Variants in FARS2 observed in about 807,000 individuals in gnomAD.
FARS2 encodes the protein phenylalanyl-tRNA synthetase 2, mitochondrial, also known as phenylalanine--tRNA ligase, mitochondrial.
FARS2 carries 40 observed loss-of-function variants against 46.4 expected under a neutral mutation model. The ratio of observed to expected loss-of-function variants is 0.86; its 90% CI spans 0.67 to 1.12. The LOEUF is 1.12. Ranked by LOEUF, FARS2 falls within the 50% of genes most tolerant of loss-of-function variation. The pLI, the probability that FARS2 is intolerant of heterozygous loss-of-function variation, is 0.00. For synonymous variants in FARS2, 234 were observed against 214.9 expected, an observed-to-expected ratio of 1.09 and a Z score of -0.78; for missense variants, 513 against 567.9, an observed-to-expected ratio of 0.90 and a Z score of 0.98.
chr6:5,527,302 T>G (rs1323906134), intron 4 of FARS2, among the ~76,000 whole-genome samples: 1 of 152,238 alleles, frequency 6.6e-6, no homozygotes, highest in Non-Finnish European at 1.5e-5. Context: ...GCATATCTCC[T>G]ACAGTCATAG....
intron 1 of FARS2, among the ~76,000 whole-genome samples, chr6:5,266,150 G>A (rs918853476): frequency 2.6e-5 from 4 of 152,150 alleles, no homozygotes; most frequent in Admixed American, 2.6e-4. Context: ...TACCTTGAAA[G>A]GATGAAGGAG....
chr6:5,660,263 C>T (rs1777789407), intron 6 of FARS2, among the ~76,000 whole-genome samples: 1 of 152,138 alleles, frequency 6.6e-6, no homozygotes, highest in South Asian at 2.1e-4. Context: ...ATAGTCTAGA[C>T]TAGAGGGGAA....
At chr6:5,424,358 C>T (rs983262054) in intron 3 of FARS2, among the ~76,000 whole-genome samples, 1 of 152,210 alleles carries the variant, frequency 6.6e-6, no homozygotes, top group Non-Finnish European at 1.5e-5. Context: ...CACAGCATTG[C>T]TTTCAGTAGC....
Position 5,471,956 on chromosome 6 carries a change from A to G in FARS2, c.904+40784A>G, listed in dbSNP as rs980413461. Among the ~76,000 whole-genome samples the G allele has an allele frequency of 6.6e-6, 1 of 152,180 alleles. No homozygotes were observed. Among genetic ancestry groups the G allele is most frequent in the African/African-American group, 2.4e-5 (1 of 41,442 alleles). ...AGGAGCCTGCCTGAAAATGAATGAG[A>G]AACAAGTGGAATTCAGAATAGTCCC... On this transcript the variant is annotated intron_variant, in intron 4 of 6. Coordinates refer to ENST00000274680, the MANE Select transcript of FARS2 (RefSeq NM_006567.5). This position sits in a 1 kb window ranked among gnomAD's most constrained non-coding sequence, Gnocchi z 4.1.
intron 4 of FARS2, among the ~76,000 whole-genome samples, chr6:5,497,155 A>G (rs1767519228): frequency 6.6e-6 from 1 of 152,228 alleles, no homozygotes; most frequent in African/African-American, 2.4e-5. Context: ...CCAAATCCCT[A>G]CTTATAAGAA....
At chr6:5,460,531 C>T (rs1402859957) in intron 4 of FARS2, among the ~76,000 whole-genome samples, 1 of 152,172 alleles carries the variant, frequency 6.6e-6, no homozygotes, top group Non-Finnish European at 1.5e-5. Flanking sequence ...CACAGCTGCC[C>T]TGGCCTGCCA....
At chr6:5,527,838 T>C (rs1040694364) in intron 4 of FARS2, among the ~76,000 whole-genome samples, 1 of 152,234 alleles carries the variant, frequency 6.6e-6, no homozygotes, top group Non-Finnish European at 1.5e-5. Context: ...TATCTTTTGC[T>C]GAATGAAAAC....
At chr6:5,544,171 A>G (rs1770808971) in intron 4 of FARS2, among the ~76,000 whole-genome samples, 1 of 152,042 alleles carries the variant, frequency 6.6e-6, no homozygotes, top group South Asian at 2.1e-4. Context: ...CTCCTTTAGG[A>G]CTTCTCAAGG....
chr6:5,559,201 G>A (rs6597140), intron 5 of FARS2, among the ~76,000 whole-genome samples: 26,670 of 151,598 alleles, frequency 0.18, 2,859 homozygotes, highest in Admixed American at 0.31. Context: ...CCAAGCATTT[G>A]AGACCAGCCT....
At chr6:5,469,414 T>C (rs551475936) in intron 4 of FARS2, among the ~76,000 whole-genome samples, 8 of 152,312 alleles carry the variant, frequency 5.3e-5, no homozygotes, top group Admixed American at 2.0e-4. Context: ...AGCTAATCCC[T>C]CCGCTGGATA....
intron 6 of FARS2, among the ~76,000 whole-genome samples, chr6:5,719,868 C>T (rs980164378): frequency 6.6e-6 from 1 of 152,208 alleles, no homozygotes; most frequent in Non-Finnish European, 1.5e-5. Context: ...TTTGCTTAAA[C>T]TTGAGACAGC....
chr6:5,588,348 T>G (rs1345869754), intron 5 of FARS2, among the ~76,000 whole-genome samples: 1 of 152,108 alleles, frequency 6.6e-6, no homozygotes, highest in African/African-American at 2.4e-5. Flanking sequence ...CTGCCTTGAC[T>G]TTTATTTTTT....
At chr6:5,759,279 G>A (rs1762368620) in intron 6 of FARS2, among the ~76,000 whole-genome samples, 1 of 152,130 alleles carries the variant, frequency 6.6e-6, no homozygotes, top group South Asian at 2.1e-4. Context: ...CTTCCACAGG[G>A]AACCTTCCTT....
intron 4 of FARS2, among the ~76,000 whole-genome samples, chr6:5,498,964 C>G (rs1350625226): frequency 6.6e-6 from 1 of 152,068 alleles, no homozygotes; most frequent in African/African-American, 2.4e-5. Context: ...GTGGTGCCAT[C>G]TTGGCTCACT....
chr6:5,443,529 CA>C (rs1165900842), intron 4 of FARS2, among the ~76,000 whole-genome samples: 10 of 152,058 alleles, frequency 6.6e-5, no homozygotes, highest in Non-Finnish European at 1.0e-4. Flanking sequence ...ATGTACTTGG[CA>C]GTTGTTTTTT....
At chr6:5,735,910 C>A (rs1582853969) in intron 6 of FARS2, among the ~76,000 whole-genome samples, 1 of 152,156 alleles carries the variant, frequency 6.6e-6, no homozygotes, top group African/African-American at 2.4e-5. Flanking sequence ...GGAAACTGTT[C>A]TCAAGAAGAT....
At chr6:5,729,161 A>G (rs995883311) in intron 6 of FARS2, among the ~76,000 whole-genome samples, 3 of 152,202 alleles carry the variant, frequency 2.0e-5, no homozygotes, top group African/African-American at 4.8e-5. Context: ...GGTGGAATCA[A>G]TCTTCCTGCT....
At chr6:5,724,753 CTT>C (rs1760142749) in intron 6 of FARS2, among the ~76,000 whole-genome samples, 1 of 152,236 alleles carries the variant, frequency 6.6e-6, no homozygotes, top group Admixed American at 6.5e-5. Flanking sequence ...CAGGACCACT[CTT>C]TGTAATCAGG....
intron 4 of FARS2, among the ~76,000 whole-genome samples, chr6:5,503,373 AACAC>A (rs72295741): frequency 3.4e-4 from 46 of 136,316 alleles, no homozygotes; most frequent in South Asian, 7.6e-4. Context: ...AGGTATTCTT[AACAC>A]ACACACACAC....
Sources: gnomAD v4.1 joint callset for allele counts (sites outside exome capture counted in the v4.1 genomes callset) on GRCh38, gnomAD v4.1.1 for gene constraint, Gnocchi (gnomAD v3.1) non-coding constraint, MANE v1.5 for transcripts, NCBI Gene and HGNC (gene_info 2026-07-23, HGNC 2026-07-21) for gene names.